PRKCH: variants seen among roughly 807,000 people sequenced by gnomAD.
PRKCH encodes protein kinase C eta type.
PRKCH carries 28 observed loss-of-function variants against 82.5 expected under a neutral mutation model. The ratio of observed to expected loss-of-function variants is 0.34; its 90% CI spans 0.25 to 0.47. The LOEUF is 0.47. Among genes scored for constraint, PRKCH ranks in the 20% least tolerant of loss-of-function variants. The pLI is 1.00. For missense variants in PRKCH, 705 were observed against 881.8 expected (o/e 0.80, Z 2.54); for synonymous variants, 322 against 327.4 (o/e 0.98, Z 0.18).
chr14:61,285,091 A>G (rs547189984), intron 1 of PRKCH, among the ~76,000 whole-genome samples: 5 of 152,112 alleles, frequency 3.3e-5, no homozygotes, highest in African/African-American at 1.2e-4. Context: ...AACCCTTTTT[A>G]AAAAAAACTA....
chr14:61,322,510 T>G, intron 1 of PRKCH, 46 bp downstream of exon 1: 1 of 1,545,422 alleles, frequency 6.5e-7, no homozygotes, highest in South Asian at 1.2e-5. Context: ...CAACCCCCGT[T>G]CCCCTTATGT....
intron 9 of PRKCH, among the ~76,000 whole-genome samples, chr14:61,478,231 G>T (rs934885579): frequency 1.3e-5 from 2 of 152,178 alleles, no homozygotes; most frequent in South Asian, 4.1e-4. Context: ...CTGTGAGTTG[G>T]GTTGTCTTAT....
In PRKCH at chr14:61,512,694, C is replaced by T. The variant is rs940861052; in HGVS notation, c.1434-16381C>T. ...CTTCCTGGCTGACCTTTTAATTTTA[C>T]ACAAGATATACAGGAGTGATTTGTC... On this transcript the variant is annotated intron_variant, in intron 10 of 13. Transcript: ENST00000332981. Among the ~76,000 whole-genome samples, 21 of 152,216 alleles carry T rather than the reference C, an allele frequency of 1.4e-4. 1 individual carries two copies. Among genetic ancestry groups the T allele is most frequent in the Admixed American group, 7.9e-4 (12 of 15,284 alleles).
At chr14:61,212,809 T>C (rs1420860256) in intron 1 of PRKCH, among the ~76,000 whole-genome samples, 1 of 152,202 alleles carries the variant, frequency 6.6e-6, no homozygotes, top group Non-Finnish European at 1.5e-5. Context: ...ACAGATAAAT[T>C]GCAAGATGCT....
At chr14:61,261,512 C>T (rs1436961163) in intron 1 of PRKCH, among the ~76,000 whole-genome samples, 1 of 152,196 alleles carries the variant, frequency 6.6e-6, no homozygotes, top group Non-Finnish European at 1.5e-5. Flanking sequence ...AGCTGGAGAA[C>T]ATATGATTTG....
At chr14:61,422,262 T>C (rs59831259) in intron 2 of PRKCH, among the ~76,000 whole-genome samples, 94,481 of 151,328 alleles carry the variant, frequency 0.62, 30,895 homozygotes, top group Non-Finnish European at 0.73. Flanking sequence ...TATTTTGTTT[T>C]TCTGTAGAGA....
intron 2 of PRKCH, among the ~76,000 whole-genome samples, chr14:61,402,256 G>C (rs539650813): frequency 6.6e-6 from 1 of 152,180 alleles, no homozygotes; most frequent in Non-Finnish European, 1.5e-5. Flanking sequence ...TCTTGAAAGC[G>C]TAAGGTAGAC....
chr14:61,370,809 T>A (rs1476699044), intron 1 of PRKCH, among the ~76,000 whole-genome samples: 1 of 152,006 alleles, frequency 6.6e-6, no homozygotes, highest in Non-Finnish European at 1.5e-5. Flanking sequence ...CAGATAGGAG[T>A]ACTCATAGAA....
chr14:61,248,786 ATGTATGTATGTATG>A lies in PRKCH; in HGVS notation c.-19+61122_-19+61135del, dbSNP rs1372820929. Among the ~76,000 whole-genome samples the A allele has an allele frequency of 8.2e-3, 547 of 66,332 alleles. 3 individuals are homozygous for A. Among genetic ancestry groups the A allele is most frequent in the African/African-American group, 0.043 (497 of 11,476 alleles). 43.5% of individuals were successfully genotyped at this position (66,332 alleles called of 152,430 possible). A position where few individuals can be genotyped will look rare whatever the true frequency, so the allele number is the denominator to read the frequency against. Reference sequence around the variant, plus strand: ...TATGTATGTATGTATGTATGTATGTATGTATGTATGTATGTGTGTGTGTGTATGTATTTAGAGAC... The same window carrying A: ...TATGTATGTATGTATGTATGTATGTATGTGTGTGTGTATGTATTTAGAGAC... On this transcript the variant is annotated intron_variant, in intron 1 of 3. Transcript: ENST00000555185.
At chr14:61,464,618 A>G (rs1019606810) in intron 9 of PRKCH, among the ~76,000 whole-genome samples, 1 of 152,090 alleles carries the variant, frequency 6.6e-6, no homozygotes, top group African/African-American at 2.4e-5. Context: ...TGTTCAACTT[A>G]TGAGTGAGAA....
At chr14:61,537,043 A>G (rs183461603) in intron 12 of PRKCH, among the ~76,000 whole-genome samples, 89 of 152,334 alleles carry the variant, frequency 5.8e-4, no homozygotes, top group African/African-American at 2.0e-3. Context: ...CAGGATTTCT[A>G]CTTGAAAAGA....
At chr14:61,457,117 G>A in intron 7 of PRKCH, 59 bp from the exon 8 acceptor site, 1 of 1,583,004 alleles carries the variant, frequency 6.3e-7, no homozygotes, top group South Asian at 1.2e-5. Flanking sequence ...TCTTCTTCGT[G>A]CATGGGTGCT....
chr14:61,421,313 G>T (rs1016597597), intron 2 of PRKCH, among the ~76,000 whole-genome samples: 3 of 151,930 alleles, frequency 2.0e-5, no homozygotes, highest in Admixed American at 2.0e-4. Flanking sequence ...AAGATTGAAT[G>T]GACTTAATAG....
chr14:61,340,509 T>C (rs1209875235), intron 1 of PRKCH, among the ~76,000 whole-genome samples: 1 of 152,144 alleles, frequency 6.6e-6, no homozygotes, highest in Non-Finnish European at 1.5e-5. Context: ...AAGCTCTGTC[T>C]CTTGTCTTCC....
At chr14:61,357,465 C>T (rs990839652) in intron 1 of PRKCH, among the ~76,000 whole-genome samples, 11 of 152,312 alleles carry the variant, frequency 7.2e-5, no homozygotes, top group African/African-American at 2.6e-4. Context: ...AGGCCTTGCT[C>T]TGTTAGTCAT....
At chr14:61,197,765 A>G (rs1594847517) in intron 1 of PRKCH, among the ~76,000 whole-genome samples, 1 of 152,284 alleles carries the variant, frequency 6.6e-6, no homozygotes, top group Middle Eastern at 3.4e-3. Context: ...AACCAACACT[A>G]TATCTCCAAG....
At chr14:61,314,808 C>T (rs945431853) in intron 1 of PRKCH, among the ~76,000 whole-genome samples, 29 of 152,126 alleles carry the variant, frequency 1.9e-4, no homozygotes, top group African/African-American at 7.0e-4. Context: ...CCACTGACAC[C>T]CTAACAGACT....
intron 1 of PRKCH, among the ~76,000 whole-genome samples, chr14:61,262,436 GA>G (rs1413576981): frequency 1.3e-5 from 2 of 152,180 alleles, no homozygotes; most frequent in Non-Finnish European, 2.9e-5. Flanking sequence ...GGATATAAAA[GA>G]ATACAAGCAG....
At chr14:61,330,600 A>T (rs2045771912) in intron 1 of PRKCH, among the ~76,000 whole-genome samples, 1 of 152,224 alleles carries the variant, frequency 6.6e-6, no homozygotes, top group African/African-American at 2.4e-5. Context: ...AAAGCCTGAT[A>T]GCTCTTAGGC....
Sources: gnomAD v4.1 joint callset for allele counts (sites outside exome capture counted in the v4.1 genomes callset) on GRCh38, gnomAD v4.1.1 for gene constraint, MANE v1.5 for transcripts, NCBI Gene and HGNC (gene_info 2026-07-23, HGNC 2026-07-21) for gene names.